SLCO2A1: variants seen among roughly 807,000 people sequenced by gnomAD.
SLCO2A1 encodes the protein solute carrier organic anion transporter family member 2A1.
SLCO2A1 carries 60 observed loss-of-function variants against 71.7 expected under a neutral mutation model. That is an observed-to-expected ratio of 0.84 (90% CI 0.68 to 1.04). The LOEUF (loss-of-function observed/expected upper bound fraction) is 1.04, where lower values mean the gene tolerates loss of function less well. Ranked by LOEUF, SLCO2A1 falls within the 50% of genes least tolerant of loss-of-function variation. SLCO2A1 has a pLI of 0.00. For synonymous variants in SLCO2A1, 308 were observed against 326.7 expected (o/e 0.94, Z 0.62); for missense variants, 745 against 813.4 (o/e 0.92, Z 1.02).
At chr3:134,020,617 T>C (rs1435451394) in intron 1 of SLCO2A1, among the ~76,000 whole-genome samples, 1 of 152,270 alleles carries the variant, frequency 6.6e-6, no homozygotes, top group Non-Finnish European at 1.5e-5. Flanking sequence ...TCTTTAAAAC[T>C]TGCCCACTCC....
chr3:133,941,958 C>T (rs1933434904), intron 11 of SLCO2A1, among the ~76,000 whole-genome samples: 1 of 152,190 alleles, frequency 6.6e-6, no homozygotes, highest in African/African-American at 2.4e-5. Flanking sequence ...CTCAGCCATT[C>T]ACTGGCTCTG....
At chr3:133,996,239 C>T (rs1439296226) in intron 1 of SLCO2A1, among the ~76,000 whole-genome samples, 2 of 152,234 alleles carry the variant, frequency 1.3e-5, no homozygotes, top group Admixed American at 6.5e-5. Context: ...CCACCCACCA[C>T]CTTTGGCAGC....
At chr3:134,018,604 G>A (rs1935510598) in intron 1 of SLCO2A1, among the ~76,000 whole-genome samples, 1 of 152,124 alleles carries the variant, frequency 6.6e-6, no homozygotes, top group Non-Finnish European at 1.5e-5. Flanking sequence ...CTTCACTACT[G>A]GAGCTCTGGG....
intron 5 of SLCO2A1, among the ~76,000 whole-genome samples, chr3:133,952,365 C>G (rs2108044194): frequency 6.6e-6 from 1 of 152,348 alleles, no homozygotes; most frequent in East Asian, 1.9e-4. Context: ...TGCCAGATAT[C>G]TGTGACGTGA....
At position 133,934,680 on chromosome 3, in the gene SLCO2A1, C is replaced by G; in HGVS notation, c.*33G>C. 6.8e-7 allele frequency: 1 copy of G among 1,471,370 alleles called. No individual in the cohort carries two copies. The highest frequency in any genetic ancestry group is 1.4e-5 in the African/African-American group (1 of 72,008). The allele number at this position is 1,471,370 out of a possible 1,614,324, so 91.1% of individuals were successfully genotyped here. A position where few individuals can be genotyped will look rare whatever the true frequency, so the allele number is the denominator to read the frequency against. On this transcript the variant is annotated 3_prime_UTR_variant, in exon 14 of 14. Coordinates refer to ENST00000310926, the MANE Select transcript of SLCO2A1 (RefSeq NM_005630.3). ...GCAGGTGTGGAAGAGTCAAGGTCCA[C>G]TCTCTGGAGCAGGGCAGTGGCCCAG...
Position 133,938,484 on chromosome 3 carries a change from G to A in SLCO2A1, c.1635C>T (p.Asn545=). The A allele has an allele frequency of 6.2e-7, 1 of 1,614,052 alleles. No homozygotes were observed. Among genetic ancestry groups the A allele is most frequent in the South Asian group, 1.1e-5 (1 of 91,082 alleles). Residue 545 remains asparagine, a synonymous_variant, in exon 12 of 14, where the codon AAC becomes AAT. Transcript: ENST00000310926. Reference sequence around the variant, plus strand: ...CGATGGCAAATGACTTTTCCTCCTGGTTCACCACACTGAAAAGACAGACAG... The same window carrying A: ...CGATGGCAAATGACTTTTCCTCCTGATTCACCACACTGAAAAGACAGACAG... ...PLYMMVLRVV[N]QEEKSFAIGV...
intron 1 of SLCO2A1, among the ~76,000 whole-genome samples, chr3:134,001,664 G>A (rs772900473): frequency 1.2e-4 from 19 of 152,236 alleles, no homozygotes; most frequent in African/African-American, 3.1e-4. Context: ...TGGGAGAAAC[G>A]GAATGAAAGG....
intron 1 of SLCO2A1, among the ~76,000 whole-genome samples, chr3:134,019,450 G>A (rs922872382): frequency 3.3e-5 from 5 of 152,070 alleles, no homozygotes; most frequent in South Asian, 2.1e-4. Flanking sequence ...TATGCCTCAC[G>A]GAATTGGTGG....
intron 1 of SLCO2A1, among the ~76,000 whole-genome samples, chr3:134,029,003 C>G (rs1230549356): frequency 6.6e-6 from 1 of 152,018 alleles, no homozygotes; most frequent in Non-Finnish European, 1.5e-5. Context: ...AGTGGACCTG[C>G]TTAGACCTTA....
chr3:133,941,528 G>A (rs1034455581), intron 11 of SLCO2A1, among the ~76,000 whole-genome samples: 11 of 151,986 alleles, frequency 7.2e-5, no homozygotes, highest in African/African-American at 2.7e-4. Context: ...TGCTTGCGAG[G>A]TGAGTGAGGA....
Position 133,951,001 on chromosome 3 carries a change from G to A in SLCO2A1, c.861+207C>T, listed in dbSNP as rs552967445. On this transcript the variant is annotated intron_variant, in intron 6 of 13. Transcript: ENST00000310926. ...GATCCTTGACATGCTAACATGGTACGGGAACACATAGGAGATACCACCTTT... is the reference window on the plus strand; with the variant it reads ...GATCCTTGACATGCTAACATGGTACAGGAACACATAGGAGATACCACCTTT... The A allele has an allele frequency of 4.2e-4, 257 of 605,520 alleles. 3 individuals are homozygous for A. The South Asian group carries it at 4.4e-3, about 10-fold the overall frequency. The allele number at this position is 605,520 out of a possible 1,614,324, so 37.5% of individuals were successfully genotyped here.
intron 1 of SLCO2A1, among the ~76,000 whole-genome samples, chr3:134,000,274 C>T (rs1328536881): frequency 6.6e-6 from 1 of 152,120 alleles, no homozygotes; most frequent in African/African-American, 2.4e-5. Context: ...TGTGGGAGCA[C>T]ATGCAGATGC....
At chr3:133,982,558 A>G (rs1934619023) in intron 1 of SLCO2A1, among the ~76,000 whole-genome samples, 1 of 151,928 alleles carries the variant, frequency 6.6e-6, no homozygotes, top group Non-Finnish European at 1.5e-5. Context: ...TTCATTCCCC[A>G]TCACCTTCAC....
intron 10 of SLCO2A1, 45 bp from the exon 11 acceptor site, chr3:133,942,813 T>A: frequency 6.4e-7 from 1 of 1,559,358 alleles, no homozygotes; most frequent in East Asian, 2.3e-5. Context: ...TTGTTATTAT[T>A]TCACTTTCAC....
In SLCO2A1 at chr3:134,003,116, G is replaced by A. The variant is rs561100990; in HGVS notation, c.97-23498C>T. Among the ~76,000 whole-genome samples, 37 of 152,050 alleles carry A rather than the reference G, an allele frequency of 2.4e-4. 1 individual carries two copies. The South Asian group carries it at 7.7e-3, about 32-fold the overall frequency. On this transcript the variant is annotated intron_variant, in intron 1 of 13. Transcript: ENST00000310926. The stretch of plus-strand genomic sequence containing the variant: ...TCAAAGGCAAGTGCAAGGGAATGTG[G>A]TTTCATCATCTACACCTGGTTTGTT...
At chr3:133,943,580 T>C (rs949522174) in intron 10 of SLCO2A1, among the ~76,000 whole-genome samples, 1 of 152,256 alleles carries the variant, frequency 6.6e-6, no homozygotes, top group Non-Finnish European at 1.5e-5. Flanking sequence ...CTGGATTTTT[T>C]AGAGATTTTT....
intron 1 of SLCO2A1, among the ~76,000 whole-genome samples, chr3:134,018,401 G>C (rs1935505993): frequency 1.3e-5 from 2 of 152,274 alleles, no homozygotes; most frequent in Admixed American, 6.5e-5. Context: ...CCATTGCTGG[G>C]GGTCAGAAGC....
At chr3:133,944,757 G>A (rs186548041) in intron 10 of SLCO2A1, among the ~76,000 whole-genome samples, 102 of 152,374 alleles carry the variant, frequency 6.7e-4, no homozygotes, top group South Asian at 1.2e-3. Context: ...GCAGGACCCA[G>A]AGATGCCCAT....
chr3:134,029,723 A>G lies in SLCO2A1; in HGVS notation c.80T>C (p.Val27Ala). Residue 27 changes from valine (V) to alanine (A), a missense_variant, in exon 1 of 14, where the codon GTC (valine) becomes GCC (alanine). Coordinates refer to ENST00000310926, the MANE Select transcript of SLCO2A1 (RefSeq NM_005630.3). ...TCCGCTCACCTTAATGTTGCCGAAG[A>G]CCGAGCGGGCACAGCGGCCGGCTCG... is the stretch of plus-strand genomic sequence containing the variant. ...TSRAGRCARS[V>A]FGNIKVFVLC... 1 of 1,589,970 alleles carries G rather than the reference A, an allele frequency of 6.3e-7. No homozygotes were observed. The highest frequency in any genetic ancestry group is 1.7e-5 in the Admixed American group (1 of 58,526).
Sources: gnomAD v4.1 joint callset for allele counts (sites outside exome capture counted in the v4.1 genomes callset) on GRCh38, gnomAD v4.1.1 for gene constraint, MANE v1.5 for transcripts, NCBI Gene and HGNC (gene_info 2026-07-23, HGNC 2026-07-21) for gene names.